The following AXDND1 variants were observed in gnomAD, a reference collection of about 807,000 sequenced individuals.
AXDND1 encodes axonemal dynein light chain domain containing 1.
A neutral mutation model predicts 137.5 loss-of-function variants in AXDND1; 110 were observed. The observed-to-expected ratio is 0.80, with a 90% CI of 0.69 to 0.94. The LOEUF is 0.94. Ranked by LOEUF, AXDND1 falls within the 40% of genes least tolerant of loss-of-function variation. The pLI is 0.00. For missense variants in AXDND1, 1,191 were observed against 1,169.8 expected (o/e 1.02, Z -0.26); for synonymous variants, 414 against 399.7 (o/e 1.04, Z -0.43).
intron 15 of AXDND1, 87 bp downstream of exon 15, chr1:179,432,429 C>T: frequency 9.4e-7 from 1 of 1,069,126 alleles, no homozygotes; most frequent in Non-Finnish European, 1.2e-6. Flanking sequence ...ACATCCCATC[C>T]TTTTTTTTTT....
intron 3 of AXDND1, among the ~76,000 whole-genome samples, chr1:179,369,442 T>G (rs1338717449): frequency 6.6e-6 from 1 of 151,934 alleles, no homozygotes; most frequent in Non-Finnish European, 1.5e-5. Flanking sequence ...GATCACGAGG[T>G]CAGGAGATCA....
chr1:179,463,763 T>C (rs1298203501), intron 16 of AXDND1, among the ~76,000 whole-genome samples: 1 of 152,156 alleles, frequency 6.6e-6, no homozygotes, highest in African/African-American at 2.4e-5. Context: ...TAAGTCTCTT[T>C]GTAGGTCTCT....
chr1:179,429,223 A>G (rs1657032905), intron 12 of AXDND1, among the ~76,000 whole-genome samples: 2 of 152,140 alleles, frequency 1.3e-5, no homozygotes, highest in African/African-American at 4.8e-5. Flanking sequence ...AAATATCAAT[A>G]GATGCATTCC....
Position 179,533,896 on chromosome 1 carries a change from A to G in AXDND1, c.2798+19A>G. ...AGTTACTGTAAGTATGAGTCAACAC[A>G]ATGGTAAGAGGATGAAAATGGCTGG... On this transcript the variant is annotated intron_variant, in intron 24 of 25. Coordinates refer to ENST00000367618, the MANE Select transcript of AXDND1 (RefSeq NM_144696.6). The G allele has an allele frequency of 1.2e-6, 2 of 1,601,522 alleles. No homozygotes were observed. Among genetic ancestry groups the G allele is most frequent in the Non-Finnish European group, 1.7e-6 (2 of 1,169,394 alleles).
At chr1:179,447,949 C>G in intron 16 of AXDND1, 1 of 1,393,654 alleles carries the variant, frequency 7.2e-7, no homozygotes, top group East Asian at 2.3e-5. Flanking sequence ...TAACGTTGAG[C>G]TGGCTGCCAA....
At chr1:179,435,752 C>G (rs1658062303) in intron 15 of AXDND1, among the ~76,000 whole-genome samples, 1 of 152,148 alleles carries the variant, frequency 6.6e-6, no homozygotes, top group East Asian at 1.9e-4. Flanking sequence ...AAAATCTAGG[C>G]AATACCATTC....
In AXDND1 at chr1:179,465,616, CTG is replaced by C. The variant is rs566202616; in HGVS notation, c.1799-2824_1799-2823del. Among the ~76,000 whole-genome samples, 84 of 152,318 alleles carry C rather than the reference CTG, an allele frequency of 5.5e-4. No individual in the cohort carries two copies. The Middle Eastern group carries it at 0.014, about 25-fold the overall frequency. On this transcript the variant is annotated intron_variant, in intron 16 of 25. Transcript: ENST00000367618. ...TCTGTCTGTTCTCAGATCTCAAACT[CTG>C]TGCTGGGAGAACCACTACTTGCTTC...
At position 179,429,531 on chromosome 1, in the gene AXDND1, A is replaced by G; in HGVS notation, c.1244A>G (p.Asn415Ser). The change falls in exon 13 of 26, where the codon AAT becomes AGT. Residue 415 changes from asparagine (N) to serine (S), a missense_variant. Transcript: ENST00000367618. ...YELALKVIERNRVILARRLYL... is the reference protein window; with the variant it reads ...YELALKVIERSRVILARRLYL... ...TTATTTTTATAGGTGATTGAAAGAAATAGAGTCATATTGGCTAGAAGACTT... is the reference window on the plus strand; with the variant it reads ...TTATTTTTATAGGTGATTGAAAGAAGTAGAGTCATATTGGCTAGAAGACTT... 1 of 1,535,670 alleles carries G rather than the reference A, an allele frequency of 6.5e-7. No individual in the cohort carries two copies. Among genetic ancestry groups the G allele is most frequent in the Non-Finnish European group, 8.8e-7 (1 of 1,141,872 alleles).
chr1:179,482,731 T>C (rs11806287), intron 17 of AXDND1, among the ~76,000 whole-genome samples: 14,023 of 151,460 alleles, frequency 0.093, 911 homozygotes, highest in African/African-American at 0.17. Context: ...GTTTCGGGGG[T>C]GGTGGGTGGT....
intron 11 of AXDND1, among the ~76,000 whole-genome samples, chr1:179,403,031 A>T (rs1005904164): frequency 6.6e-6 from 1 of 152,204 alleles, no homozygotes; most frequent in African/African-American, 2.4e-5. Context: ...TGAAACCCAC[A>T]TAGTCAAAAA....
At position 179,383,441 on chromosome 1, in the gene AXDND1, G is replaced by A; in HGVS notation, c.639-1G>A. On this transcript the variant is annotated splice_acceptor_variant, in intron 7 of 25. Transcript: ENST00000367618. LOFTEE classifies it high-confidence loss of function. ...ATAAGTCTGCCACCTTAATTTTTTA[G>A]GAAACCTAATAAAAGAGTAGAAGTG... is the stretch of plus-strand genomic sequence containing the variant. The A allele has an allele frequency of 1.2e-6, 2 of 1,611,262 alleles. No homozygotes were observed. Among genetic ancestry groups the A allele is most frequent in the Non-Finnish European group, 1.7e-6 (2 of 1,177,820 alleles).
intron 22 of AXDND1, 86 bp downstream of exon 22, chr1:179,525,533 G>T (rs996663886): frequency 2.2e-6 from 3 of 1,391,582 alleles, no homozygotes; most frequent in Non-Finnish European, 2.8e-6. Context: ...GTCCTGCCCT[G>T]TCACCCAGGT....
At chr1:179,505,442 C>T (rs879419395) in intron 20 of AXDND1, among the ~76,000 whole-genome samples, 3 of 152,064 alleles carry the variant, frequency 2.0e-5, no homozygotes, top group African/African-American at 4.8e-5. Context: ...CACCTGAGGT[C>T]GGGAGTTTGA....
At chr1:179,370,923 G>A (rs926273299) in intron 4 of AXDND1, among the ~76,000 whole-genome samples, 2 of 152,274 alleles carry the variant, frequency 1.3e-5, no homozygotes, top group Non-Finnish European at 1.5e-5. Context: ...TGCTATTTAA[G>A]TATAGGTGCT....
chr1:179,432,119 C>A, intron 14 of AXDND1, 148 bp from the exon 15 acceptor site: 7 of 1,006,458 alleles, frequency 7.0e-6, no homozygotes, highest in South Asian at 1.6e-5. Flanking sequence ...ATGATAAATA[C>A]CTGTGGGGAG....
intron 22 of AXDND1, 29 bp downstream of exon 22, chr1:179,525,476 C>T (rs1287366415): frequency 6.5e-7 from 1 of 1,535,982 alleles, no homozygotes; most frequent in Non-Finnish European, 8.7e-7. Flanking sequence ...TGTTTTTCCT[C>T]CTACATACAT....
chr1:179,551,463 G>T, intron 25 of AXDND1: 1 of 1,612,608 alleles, frequency 6.2e-7, no homozygotes, highest in Non-Finnish European at 8.5e-7. Flanking sequence ...TAGAAAACAT[G>T]TGACGAAAGC....
intron 16 of AXDND1, among the ~76,000 whole-genome samples, chr1:179,460,839 TAA>T (rs1662216619): frequency 6.6e-6 from 1 of 152,266 alleles, no homozygotes; most frequent in African/African-American, 2.4e-5. Flanking sequence ...GTTGGCTGCA[TAA>T]ATGTATTCTT....
chr1:179,461,703 T>G (rs570778299), intron 16 of AXDND1, among the ~76,000 whole-genome samples: 128 of 152,326 alleles, frequency 8.4e-4, no homozygotes, highest in African/African-American at 2.2e-3. Context: ...TTCTGCCGTT[T>G]GTCTGTGTCC....
Sources: allele counts gnomAD v4.1 joint callset (sites outside exome capture counted in the v4.1 genomes callset), GRCh38; gene constraint gnomAD v4.1.1; transcripts MANE v1.5; gene names NCBI Gene and HGNC (gene_info 2026-07-23, HGNC 2026-07-21).